The following HPSE2 variants were observed in gnomAD, a reference collection of about 807,000 sequenced individuals.
The protein encoded by HPSE2 is heparanase 2 (inactive).
A neutral mutation model predicts 60.5 loss-of-function variants in HPSE2; 38 were observed. That is an observed-to-expected ratio of 0.63 (90% confidence interval 0.48 to 0.82). The LOEUF (loss-of-function observed/expected upper bound fraction) is 0.82. HPSE2 is among the 40% of genes least tolerant of loss of function. HPSE2 has a pLI of 0.00. For missense variants in HPSE2, 713 were observed against 740.4 expected (o/e 0.96, Z 0.43); for synonymous variants, 295 against 293.2 (o/e 1.01, Z -0.06).
intron 3 of HPSE2, among the ~76,000 whole-genome samples, chr10:98,911,754 A>G (rs950183111): frequency 1.3e-5 from 2 of 152,144 alleles, no homozygotes; most frequent in East Asian, 1.9e-4. Context: ...TAGTACTGCA[A>G]AAAAGGATCA....
At chr10:98,470,835 CAG>C (rs34823212) in intron 11 of HPSE2, among the ~76,000 whole-genome samples, 62,308 of 151,876 alleles carry the variant, frequency 0.41, 14,027 homozygotes, top group African/African-American at 0.62. Context: ...GACAGCTACG[CAG>C]AGAGTTTCCA....
intron 3 of HPSE2, among the ~76,000 whole-genome samples, chr10:98,850,986 A>T (rs951026201): frequency 1.3e-5 from 2 of 152,150 alleles, no homozygotes; most frequent in African/African-American, 4.8e-5. Flanking sequence ...ATTAAAAATG[A>T]CTCTAAAACT....
intron 3 of HPSE2, among the ~76,000 whole-genome samples, chr10:98,748,663 T>C (rs1005589560): frequency 6.6e-6 from 1 of 152,160 alleles, no homozygotes; most frequent in African/African-American, 2.4e-5. Context: ...GTGAAAGTTC[T>C]TGAGATTTCT....
At chr10:98,788,489 G>A (rs899418769) in intron 3 of HPSE2, among the ~76,000 whole-genome samples, 4 of 142,288 alleles carry the variant, frequency 2.8e-5, no homozygotes, top group Admixed American at 7.1e-5. Flanking sequence ...CGAGCTTCCC[G>A]GCTGCTTTGT....
At chr10:99,189,587 T>G (rs1010077719) in intron 2 of HPSE2, among the ~76,000 whole-genome samples, 2 of 152,190 alleles carry the variant, frequency 1.3e-5, no homozygotes, top group Admixed American at 1.3e-4. Flanking sequence ...CAGAACCACA[T>G]GAAAACTGTA....
At chr10:98,665,583 G>A (rs982608269) in intron 6 of HPSE2, among the ~76,000 whole-genome samples, 23 of 152,298 alleles carry the variant, frequency 1.5e-4, no homozygotes, top group African/African-American at 5.1e-4. Flanking sequence ...GCTAGCAGCA[G>A]ACCTTTCAGC....
intron 3 of HPSE2, among the ~76,000 whole-genome samples, chr10:98,761,763 T>G (rs1351725827): frequency 2.6e-5 from 4 of 152,188 alleles, no homozygotes; most frequent in Non-Finnish European, 4.4e-5. Flanking sequence ...ACTTACAATC[T>G]GGACAATGAT....
chr10:99,151,209 A>C (rs1214759936), intron 2 of HPSE2, among the ~76,000 whole-genome samples: 1 of 152,042 alleles, frequency 6.6e-6, no homozygotes, highest in African/African-American at 2.4e-5. Context: ...CCTATCTAAA[A>C]TGGCCAGTTT....
At chr10:98,968,061 G>A (rs955064783) in intron 3 of HPSE2, among the ~76,000 whole-genome samples, 14 of 152,018 alleles carry the variant, frequency 9.2e-5, no homozygotes, top group Non-Finnish European at 1.9e-4. Context: ...TCCCCACTAT[G>A]TAATTCAAAA....
intron 11 of HPSE2, among the ~76,000 whole-genome samples, chr10:98,465,242 T>C (rs2133588487): frequency 6.6e-6 from 1 of 152,364 alleles, no homozygotes; most frequent in East Asian, 1.9e-4. Flanking sequence ...AATTCACCAA[T>C]TATGCAGCAC....
intron 3 of HPSE2, among the ~76,000 whole-genome samples, chr10:98,812,386 T>C (rs1418593051): frequency 6.6e-6 from 1 of 152,124 alleles, no homozygotes; most frequent in Non-Finnish European, 1.5e-5. Context: ...AAAATTTATA[T>C]ACACAGGAAT....
At chr10:98,608,275 C>T (rs539464325) in intron 9 of HPSE2, among the ~76,000 whole-genome samples, 12 of 152,276 alleles carry the variant, frequency 7.9e-5, no homozygotes, top group African/African-American at 2.9e-4. Context: ...ACTCATGTAA[C>T]TAGAAAATTG....
the HPSE2 span, among the ~76,000 whole-genome samples, chr10:99,291,889 G>A: frequency 1.6e-4 from 25 of 151,990 alleles, no homozygotes; most frequent in Non-Finnish European, 2.9e-4. Flanking sequence ...CCAAACTGTC[G>A]AGTAAATCAC....
At chr10:98,727,937 A>C (rs945844285) in intron 4 of HPSE2, among the ~76,000 whole-genome samples, 1 of 152,158 alleles carries the variant, frequency 6.6e-6, no homozygotes, top group African/African-American at 2.4e-5. Flanking sequence ...CTGATAACCA[A>C]GAATTCCATA....
At chr10:98,616,563 G>T (rs1277756603) in intron 8 of HPSE2, among the ~76,000 whole-genome samples, 1 of 152,046 alleles carries the variant, frequency 6.6e-6, no homozygotes, top group East Asian at 1.9e-4. Flanking sequence ...TTTTTATATT[G>T]TGAATAAATA....
intron 2 of HPSE2, among the ~76,000 whole-genome samples, chr10:99,168,371 C>T (rs985902048): frequency 3.9e-5 from 6 of 152,070 alleles, no homozygotes; most frequent in African/African-American, 1.4e-4. Flanking sequence ...ATTTTTGCCC[C>T]TCTATAAAAA....
chr10:99,149,206 A>C (rs1166762419), intron 2 of HPSE2, among the ~76,000 whole-genome samples: 1 of 152,022 alleles, frequency 6.6e-6, no homozygotes, highest in Non-Finnish European at 1.5e-5. Context: ...ACGTGAGAAA[A>C]CTTTTTTAAC....
chr10:98,687,671 C>A (rs1565079303), intron 6 of HPSE2, among the ~76,000 whole-genome samples: 1 of 152,164 alleles, frequency 6.6e-6, no homozygotes, highest in Non-Finnish European at 1.5e-5. Flanking sequence ...TTATGTCTTC[C>A]TGATGAATTG....
At chr10:98,844,078 T>C (rs1309773667) in intron 3 of HPSE2, among the ~76,000 whole-genome samples, 1 of 152,210 alleles carries the variant, frequency 6.6e-6, no homozygotes, top group African/African-American at 2.4e-5. Context: ...AACGTGATTC[T>C]ACTTCTAAGC....
Sources: gnomAD v4.1 joint callset for allele counts (sites outside exome capture counted in the v4.1 genomes callset) on GRCh38, gnomAD v4.1.1 for gene constraint, MANE v1.5 for transcripts, NCBI Gene and HGNC (gene_info 2026-07-23, HGNC 2026-07-21) for gene names.